POPDC1: variants seen among roughly 807,000 people sequenced by gnomAD.
POPDC1 encodes popeye domain cAMP effector 1.
At chr6:105,109,814 C>T in the POPDC1 span, among the ~76,000 whole-genome samples, 611 of 110,102 alleles carry the variant, frequency 5.5e-3, 2 homozygotes, top group African/African-American at 0.018. Context: ...AATAACGGCA[C>T]ATCATTTGGC....
At chr6:105,116,838 A>G in the POPDC1 span, 1 of 1,612,316 alleles carries the variant, frequency 6.2e-7, no homozygotes, top group Non-Finnish European at 8.5e-7. Context: ...CAGCATAAAA[A>G]TCTGCAGTTA....
the POPDC1 span, among the ~76,000 whole-genome samples, chr6:105,115,306 T>A: frequency 6.6e-6 from 1 of 152,184 alleles, no homozygotes; most frequent in African/African-American, 2.4e-5. Context: ...GTCAGGATGG[T>A]CTTGATCTCC....
At chr6:105,101,311 G>GGAAAAAATAAAA in the POPDC1 span, 8 of 1,296,742 alleles carry the variant, frequency 6.2e-6, no homozygotes, top group Non-Finnish European at 8.2e-6. Context: ...AAATAAAACT[G>GGAAAAAATAAAA]TAGGAATCTA....
the POPDC1 span, among the ~76,000 whole-genome samples, chr6:105,107,705 T>A: frequency 6.6e-6 from 1 of 152,228 alleles, no homozygotes; most frequent in Non-Finnish European, 1.5e-5. Context: ...TGTTTAACCA[T>A]CTGGCCAACT....
At chr6:105,125,288 T>C in the POPDC1 span, 5 of 1,332,482 alleles carry the variant, frequency 3.8e-6, no homozygotes, top group African/African-American at 2.9e-5. Flanking sequence ...CTGTGACTGC[T>C]TTCTCCATTC....
chr6:105,099,568 CCAGA>C, the POPDC1 span: 1 of 152,184 alleles, frequency 6.6e-6, no homozygotes, highest in Non-Finnish European at 1.5e-5. Context: ...GCCACGCTGG[CCAGA>C]CACACTGACC....
chr6:105,125,355 G>A, the POPDC1 span: 2 of 1,605,948 alleles, frequency 1.2e-6, no homozygotes, highest in Non-Finnish European at 1.7e-6. Flanking sequence ...AAGATTAAAG[G>A]TAAACTAGGA....
At chr6:105,110,745 A>G in the POPDC1 span, among the ~76,000 whole-genome samples, 1 of 152,050 alleles carries the variant, frequency 6.6e-6, no homozygotes, top group Non-Finnish European at 1.5e-5. Flanking sequence ...GTGCAGTGGC[A>G]AGACCATGGC....
the POPDC1 span, chr6:105,125,269 C>G: frequency 8.3e-7 from 1 of 1,209,450 alleles, no homozygotes; most frequent in African/African-American, 1.5e-5. Flanking sequence ...ATTCCACCAA[C>G]AACAAACTCT....
chr6:105,136,208 A>C, the POPDC1 span: 1 of 152,244 alleles, frequency 6.6e-6, no homozygotes, highest in Non-Finnish European at 1.5e-5. Flanking sequence ...TACATTGCTA[A>C]GAGTCTTTTC....
the POPDC1 span, chr6:105,136,726 G>A: frequency 0.056 from 8,498 of 152,386 alleles, 383 homozygotes; most frequent in African/African-American, 0.12. Context: ...CCCAGACCCG[G>A]GGAGAAGGGC....
At chr6:105,137,061 TGCTCGACGGGAGCCCGACGCGC>T in the POPDC1 span, 2 of 151,910 alleles carry the variant, frequency 1.3e-5, no homozygotes, top group African/African-American at 2.4e-5. Context: ...CGGGCTCAGC[TGCTCGACGGGAGCCCGACGCGC>T]GCTCCTCGGC....
At chr6:105,125,572 T>C in the POPDC1 span, 8 of 1,613,834 alleles carry the variant, frequency 5.0e-6, no homozygotes, top group Non-Finnish European at 6.8e-6. Context: ...TCCTTTTCAA[T>C]CTTTACCTGA....
chr6:105,122,090 C>T, the POPDC1 span, among the ~76,000 whole-genome samples: 1 of 152,212 alleles, frequency 6.6e-6, no homozygotes, highest in South Asian at 2.1e-4. Flanking sequence ...CATACTCCTA[C>T]ACAGATGTGT....
the POPDC1 span, among the ~76,000 whole-genome samples, chr6:105,110,176 G>C: frequency 6.6e-6 from 1 of 152,128 alleles, no homozygotes; most frequent in African/African-American, 2.4e-5. Context: ...CACCTCGTAG[G>C]GTGGTTGTGA....
the POPDC1 span, chr6:105,115,896 T>A: frequency 1.3e-6 from 2 of 1,522,416 alleles, no homozygotes; most frequent in Non-Finnish European, 1.8e-6. Context: ...TTAAGCAGCA[T>A]GTACTTTTCC....
the POPDC1 span, among the ~76,000 whole-genome samples, chr6:105,128,315 T>C: frequency 1.3e-5 from 2 of 152,248 alleles, no homozygotes; most frequent in Non-Finnish European, 2.9e-5. Context: ...TATGTCCCTT[T>C]TGAGCAAAAG....
the POPDC1 span, among the ~76,000 whole-genome samples, chr6:105,105,747 T>G: frequency 6.6e-6 from 1 of 152,222 alleles, no homozygotes; most frequent in Non-Finnish European, 1.5e-5. Flanking sequence ...TTCATTAATT[T>G]TACGTACTGA....
At chr6:105,116,896 T>C in the POPDC1 span, 3 of 1,601,728 alleles carry the variant, frequency 1.9e-6, no homozygotes, top group Admixed American at 5.1e-5. Context: ...ATGCAAAGAA[T>C]AAAGTACATC....
Sources: allele counts gnomAD v4.1 joint callset (sites outside exome capture counted in the v4.1 genomes callset), GRCh38; gene constraint gnomAD v4.1.1; transcripts MANE v1.5; gene names NCBI Gene and HGNC (gene_info 2026-07-23, HGNC 2026-07-21).